The following MGAT4C variants were observed in gnomAD, a reference collection of about 807,000 sequenced individuals.
MGAT4C encodes MGAT4 family member C.
Under a neutral mutation model 40.1 loss-of-function variants are expected in MGAT4C, and 19 were observed. The ratio of observed to expected loss-of-function variants is 0.47; its 90% confidence interval spans 0.33 to 0.70. MGAT4C has a LOEUF of 0.70. MGAT4C is among the 30% of genes least tolerant of loss of function. The pLI is 0.02. For missense variants in MGAT4C, 491 were observed against 563.2 expected (o/e 0.87, Z 1.30); for synonymous variants, 181 against 187.1 (o/e 0.97, Z 0.27).
chr12:86,189,054 T>G (rs1192878007), intron 1 of MGAT4C, among the ~76,000 whole-genome samples: 2 of 151,912 alleles, frequency 1.3e-5, no homozygotes, highest in African/African-American at 4.8e-5. Context: ...TCTGTAAAGT[T>G]AAGTCAAGCG....
chr12:86,482,386 A>G (rs2136314459), intron 2 of MGAT4C, among the ~76,000 whole-genome samples: 1 of 152,232 alleles, frequency 6.6e-6, no homozygotes, highest in Middle Eastern at 3.4e-3. Context: ...GCAGATTGAC[A>G]TAGTTATAAT....
intron 1 of MGAT4C, among the ~76,000 whole-genome samples, chr12:86,118,574 C>T (rs1332334710): frequency 1.3e-5 from 2 of 152,050 alleles, no homozygotes; most frequent in Non-Finnish European, 2.9e-5. Context: ...TGGCCAATAC[C>T]AGGGGTTTCT....
intron 1 of MGAT4C, among the ~76,000 whole-genome samples, chr12:86,236,593 G>A (rs1293699699): frequency 1.3e-5 from 2 of 151,976 alleles, no homozygotes; most frequent in Non-Finnish European, 2.9e-5. Flanking sequence ...CCACTATTTA[G>A]GGTCTGAATC....
intron 1 of MGAT4C, among the ~76,000 whole-genome samples, chr12:86,759,145 T>G (rs1167290591): frequency 3.9e-5 from 6 of 152,116 alleles, no homozygotes; most frequent in Non-Finnish European, 8.8e-5. Context: ...GTATTTGTCT[T>G]TCTGTGCCTA....
At chr12:86,122,454 A>G (rs572988216) in intron 1 of MGAT4C, among the ~76,000 whole-genome samples, 1 of 152,296 alleles carries the variant, frequency 6.6e-6, no homozygotes, top group South Asian at 2.1e-4. Flanking sequence ...CAGCTATGCA[A>G]AAAGTTATTA....
In MGAT4C at chr12:86,669,962, T is replaced by C. The variant is rs1964211428; in HGVS notation, c.-229+57247A>G. Reference sequence around the variant, plus strand: ...AAAGCCAGAAAGCCCTGCCCAGCATTATCTAGGGTGACAACCCCTAAGGAG... The same window carrying C: ...AAAGCCAGAAAGCCCTGCCCAGCATCATCTAGGGTGACAACCCCTAAGGAG... On this transcript the variant is annotated intron_variant, in intron 2 of 7. Transcript: ENST00000548651. 2.0e-5 allele frequency among the ~76,000 whole-genome samples: 3 copies of C among 151,656 alleles called. No individual in the cohort carries two copies. In the South Asian group the frequency reaches 6.2e-4, roughly 32 times the overall value.
At chr12:86,174,439 C>A (rs1340470463) in intron 1 of MGAT4C, among the ~76,000 whole-genome samples, 1 of 151,982 alleles carries the variant, frequency 6.6e-6, no homozygotes, top group Non-Finnish European at 1.5e-5. Flanking sequence ...ATAAATATTG[C>A]CCCCTAATTA....
intron 1 of MGAT4C, among the ~76,000 whole-genome samples, chr12:86,830,166 CCCTCT>C (rs1952893514): frequency 6.6e-6 from 1 of 151,412 alleles, no homozygotes; most frequent in Non-Finnish European, 1.5e-5. Context: ...GTCTCACTGT[CCCTCT>C]TGTCAGTCCA....
At chr12:86,348,407 A>AT (rs372591815) in intron 3 of MGAT4C, among the ~76,000 whole-genome samples, 6 of 149,790 alleles carry the variant, frequency 4.0e-5, no homozygotes, top group East Asian at 2.0e-4. Flanking sequence ...CCTAGTTGGG[A>AT]TTTTTTTTTT....
chr12:86,510,046 C>T (rs1304559345), intron 2 of MGAT4C, among the ~76,000 whole-genome samples: 1 of 152,026 alleles, frequency 6.6e-6, no homozygotes, highest in African/African-American at 2.4e-5. Flanking sequence ...GATTGAATAC[C>T]CTTTATTTCC....
chr12:86,687,659 C>G (rs1199056982), intron 2 of MGAT4C, among the ~76,000 whole-genome samples: 1 of 152,144 alleles, frequency 6.6e-6, no homozygotes, highest in Non-Finnish European at 1.5e-5. Context: ...AAGTGAGTTT[C>G]TTAATACTGA....
intron 2 of MGAT4C, among the ~76,000 whole-genome samples, chr12:86,724,934 AT>A (rs200484536): frequency 0.037 from 5,665 of 152,234 alleles, 146 homozygotes; most frequent in Non-Finnish European, 0.048. Flanking sequence ...GAGGTAATGC[AT>A]TTTTTTAACT....
intron 1 of MGAT4C, among the ~76,000 whole-genome samples, chr12:86,130,833 T>C (rs1414641673): frequency 3.9e-5 from 6 of 152,026 alleles, no homozygotes; most frequent in African/African-American, 9.7e-5. Context: ...TAAAACCATA[T>C]TGTATTTAGT....
upstream of MGAT4C, among the ~76,000 whole-genome samples, chr12:86,258,480 T>C (rs560715157): frequency 4.6e-5 from 7 of 152,172 alleles, no homozygotes; most frequent in South Asian, 6.2e-4. Flanking sequence ...AATATAAAGA[T>C]TGGGAAACTT....
intron 3 of MGAT4C, among the ~76,000 whole-genome samples, chr12:86,388,253 A>G (rs922297438): frequency 1.3e-5 from 2 of 152,302 alleles, no homozygotes; most frequent in South Asian, 2.1e-4. Context: ...GATTTCAAAT[A>G]TACATATTTT....
At chr12:86,775,991 T>C (rs1951742203) in intron 1 of MGAT4C, among the ~76,000 whole-genome samples, 1 of 152,060 alleles carries the variant, frequency 6.6e-6, no homozygotes, top group Non-Finnish European at 1.5e-5. Context: ...GAATAACTTA[T>C]GACTTTTAAA....
intron 2 of MGAT4C, among the ~76,000 whole-genome samples, chr12:86,552,025 G>GCAAAAAAAAAAAAAAAAA (rs1959388109): frequency 1.3e-5 from 1 of 78,684 alleles, no homozygotes; most frequent in Non-Finnish European, 2.7e-5. Context: ...ATTAAAAAAA[G>GCAAAAAAAAAAAAAAAAA]CAAAAAAAAA....
At chr12:86,718,507 G>A (rs1165272541) in intron 2 of MGAT4C, among the ~76,000 whole-genome samples, 1 of 152,132 alleles carries the variant, frequency 6.6e-6, no homozygotes, top group Non-Finnish European at 1.5e-5. Flanking sequence ...TAAACAACTA[G>A]TGCTGAAACA....
At chr12:86,209,007 C>T (rs937948998) in intron 1 of MGAT4C, among the ~76,000 whole-genome samples, 4 of 152,126 alleles carry the variant, frequency 2.6e-5, no homozygotes, top group Admixed American at 6.5e-5. Context: ...ATCTAAATAT[C>T]GCATTCAAAT....
Sources: gnomAD v4.1 joint callset for allele counts (sites outside exome capture counted in the v4.1 genomes callset) on GRCh38, gnomAD v4.1.1 for gene constraint, MANE v1.5 for transcripts, NCBI Gene and HGNC (gene_info 2026-07-23, HGNC 2026-07-21) for gene names.